The following KCNT1 variants were observed in gnomAD, a reference collection of about 807,000 sequenced individuals.
KCNT1 encodes potassium sodium-activated channel subfamily T member 1.
KCNT1 carries 78 observed loss-of-function variants against 147.8 expected under a neutral mutation model. The ratio of observed to expected loss-of-function variants is 0.53; its 90% CI spans 0.44 to 0.64. The LOEUF (loss-of-function observed/expected upper bound fraction) is 0.64. KCNT1 is among the 30% of genes least tolerant of loss of function. The pLI, the probability that KCNT1 is intolerant of heterozygous loss-of-function variation, is 0.00. For missense variants in KCNT1, 1,419 were observed against 1,750.3 expected, an observed-to-expected ratio of 0.81 and a Z score of 3.38; for synonymous variants, 867 against 748.8, an observed-to-expected ratio of 1.16 and a Z score of -2.58.
rs765432746 is a variant in KCNT1, at chr9:135,784,880, C to T, written c.3147C>T (p.Ser1049=). 3.1e-5 allele frequency: 50 copies of T among 1,612,354 alleles called. No homozygotes were observed. Among genetic ancestry groups the T allele is most frequent in the Admixed American group, 5.0e-5 (3 of 59,998 alleles). ...GIYRTESHVF[S]TSEPHDLRAQ... ...ACCGGACAGAGAGCCACGTCTTCTC[C>T]ACCTCGGAGGTTCTGGGGCAGCCTG... is the stretch of plus-strand genomic sequence containing the variant. The change falls in exon 27 of 31, where the codon TCC becomes TCT. Residue 1049 remains serine (S), a synonymous_variant. Coordinates refer to ENST00000371757, the MANE Select transcript of KCNT1 (RefSeq NM_020822.3).
intron 11 of KCNT1, among the ~76,000 whole-genome samples, chr9:135,761,148 G>A (rs560760085): frequency 1.3e-5 from 2 of 152,248 alleles, no homozygotes; most frequent in East Asian, 1.9e-4. Flanking sequence ...GATTACAGGC[G>A]GCTTGGCTTT....
Position 135,786,536 on chromosome 9 carries a change from C to T in KCNT1, c.3502+15C>T, listed in dbSNP as rs775671325. ...CACCGGCTACGGTAAGGGCACACGG[C>T]GCGGGTGGGGGCCGGACGGACGGAC... On this transcript the variant is annotated intron_variant, in intron 29 of 30. Transcript: ENST00000371757. 2.5e-6 allele frequency: 4 copies of T among 1,570,416 alleles called. No homozygotes were observed. Among genetic ancestry groups the T allele is most frequent in the Non-Finnish European group, 2.6e-6 (3 of 1,162,948 alleles).
intron 18 of KCNT1, 122 bp downstream of exon 18, chr9:135,771,217 T>C (rs1588363456): frequency 8.0e-6 from 7 of 877,996 alleles, no homozygotes; most frequent in Non-Finnish European, 1.2e-5. Flanking sequence ...GGTGACCAGG[T>C]GGGACAGGAG....
At position 135,780,671 on chromosome 9, in the gene KCNT1, C is replaced by T. The variant is rs140761316; in HGVS notation, c.2841+1201C>T. ...AGAGGGCTCTGTCTGCCCTGCCCGC[C>T]GCCCAAGCCCACCCTGGAGCCTGCC... On this transcript the variant is annotated intron_variant, in intron 24 of 30. Coordinates refer to ENST00000371757, the MANE Select transcript of KCNT1 (RefSeq NM_020822.3). Among the ~76,000 whole-genome samples the T allele has an allele frequency of 1.9e-4, 29 of 152,344 alleles. No homozygotes were observed. In the East Asian group the frequency reaches 1.9e-3, roughly 10 times the overall value.
rs1833842271 is a variant in KCNT1 at position 135,784,242 on chromosome 9, T to G, written c.2943+117T>G. ...AGGACTCCCTCTGAATGACCTTCCCTGGATTCCAAGGAGACCTCTGGGCCC... is the reference window on the plus strand; with the variant it reads ...AGGACTCCCTCTGAATGACCTTCCCGGGATTCCAAGGAGACCTCTGGGCCC... On this transcript the variant is annotated intron_variant, in intron 25 of 30. Coordinates refer to ENST00000371757, the MANE Select transcript of KCNT1 (RefSeq NM_020822.3). 3 of 854,272 alleles carry G rather than the reference T, an allele frequency of 3.5e-6. No individual in the cohort carries two copies. In the African/African-American group the frequency reaches 5.0e-5, roughly 14 times the overall value. 52.9% of individuals were successfully genotyped at this position (854,272 alleles called of 1,614,324 possible).
chr9:135,765,587 C>T, intron 12 of KCNT1, 37 bp from the exon 13 acceptor site: 2 of 1,586,372 alleles, frequency 1.3e-6, no homozygotes, highest in Non-Finnish European at 1.7e-6. Context: ...GGGGCAGGGG[C>T]TGGCTCAGAG....
intron 2 of KCNT1, among the ~76,000 whole-genome samples, chr9:135,717,445 G>A (rs980222640): frequency 2.0e-5 from 3 of 152,158 alleles, no homozygotes; most frequent in Non-Finnish European, 4.4e-5. Flanking sequence ...CTGGAAGGTG[G>A]GGGGCTGCTG....
At chr9:135,771,153 G>A in intron 18 of KCNT1, 58 bp downstream of exon 18, 1 of 1,481,154 alleles carries the variant, frequency 6.8e-7, no homozygotes. Flanking sequence ...GGGAGACCAG[G>A]CGGGACACCG....
chr9:135,758,651 C>A, intron 10 of KCNT1, 143 bp downstream of exon 10: 2 of 684,168 alleles, frequency 2.9e-6, no homozygotes, highest in Non-Finnish European at 2.5e-6. Context: ...GGGTGTCGGG[C>A]CACCAAGCTG....
chr9:135,753,334 G>A (rs144217930), intron 4 of KCNT1, among the ~76,000 whole-genome samples: 117 of 152,320 alleles, frequency 7.7e-4, no homozygotes, highest in African/African-American at 2.7e-3. Context: ...AGTGACCCTG[G>A]CATCGATGAT....
At chr9:135,770,176 G>A in intron 16 of KCNT1, 121 bp downstream of exon 16, 3 of 1,398,266 alleles carry the variant, frequency 2.1e-6, no homozygotes, top group Admixed American at 4.1e-5. Flanking sequence ...GCGGGCAAAA[G>A]TCCTGCATAG....
At chr9:135,757,404 G>T (rs778054385) in intron 9 of KCNT1, 23 bp downstream of exon 9, 1 of 1,599,418 alleles carries the variant, frequency 6.3e-7, no homozygotes, top group East Asian at 2.2e-5. Context: ...GGGGGGTGCA[G>T]CTGGGACTTG....
Position 135,759,794 on chromosome 9 carries a change from A to C in KCNT1, c.970A>C (p.Ile324Leu). ...GGGCTACGGTGACGTCACGCCCAAG[A>C]TCTGGCCATCGCAGCTGCTGGTGGT... ...TVGYGDVTPK[I>L]WPSQLLVVIM... is the part of the protein sequence containing the mutation. The change falls in exon 11 of 31, where the codon ATC (isoleucine) becomes CTC (leucine). Residue 324 changes from isoleucine to leucine, a missense_variant. Around this residue, in one of 5 missense-constraint regions of KCNT1, gnomAD observed 401 missense variants for 610.6 expected, o/e 0.66. Transcript: ENST00000371757. 1 of 1,613,464 alleles carries C rather than the reference A, an allele frequency of 6.2e-7. No individual in the cohort carries two copies. The highest frequency in any genetic ancestry group is 1.1e-5 in the South Asian group (1 of 91,066).
chr9:135,730,479 G>T lies in KCNT1; in HGVS notation c.254+15759G>T, dbSNP rs547353594. Among the ~76,000 whole-genome samples, 20 of 152,308 alleles carry T rather than the reference G, an allele frequency of 1.3e-4. No individual in the cohort carries two copies. The highest frequency in any genetic ancestry group is 4.8e-4 in the African/African-American group (20 of 41,578). ...GCCAAGATCATCACAGATTCCTAGGGGAGGGAGGCAGAGGTTCAGAGTCGC... is the reference window on the plus strand; with the variant it reads ...GCCAAGATCATCACAGATTCCTAGGTGAGGGAGGCAGAGGTTCAGAGTCGC... On this transcript the variant is annotated intron_variant, in intron 2 of 30. Coordinates refer to ENST00000371757, the MANE Select transcript of KCNT1 (RefSeq NM_020822.3). The surrounding 1 kb of genome is among the most constrained non-coding windows in gnomAD (Gnocchi z 4.7).
At position 135,752,175 on chromosome 9, in the gene KCNT1, G is replaced by C. The variant is rs1014679375; in HGVS notation, c.434+1134G>C. On this transcript the variant is annotated intron_variant, in intron 4 of 30. Coordinates refer to ENST00000371757, the MANE Select transcript of KCNT1 (RefSeq NM_020822.3). The surrounding 1 kb of genome is among the most constrained non-coding windows in gnomAD (Gnocchi z 5.1). ...CGGGGTGAACCCTGCCAGCATGCTG[G>C]TCCCCCCTCTGGCTGCGCAGAGCAG... 2.8e-6 allele frequency: 1 copy of C among 351,084 alleles called. No homozygotes were observed. The highest frequency in any genetic ancestry group is 5.6e-6 in the Non-Finnish European group (1 of 177,134). The allele number at this position is 351,084 out of a possible 1,614,324, so 21.7% of individuals were successfully genotyped here. A position where few individuals can be genotyped will look rare whatever the true frequency, so the allele number is the denominator to read the frequency against.
chr9:135,728,358 C>T (rs1040938187), intron 2 of KCNT1, among the ~76,000 whole-genome samples: 8 of 152,222 alleles, frequency 5.3e-5, no homozygotes, highest in African/African-American at 1.9e-4. Context: ...GGGAGAACAT[C>T]GGGGCAGATT....
rs572344555 is a variant in KCNT1, at chr9:135,719,385, G to T, written c.254+4665G>T. ...CAGACTCTGGTCTGTGGCAGTGGAG[G>T]TGCGGCTTCCATCCTGCCCTGCACT... On this transcript the variant is annotated intron_variant, in intron 2 of 30. Transcript: ENST00000371757. Among the ~76,000 whole-genome samples the T allele has an allele frequency of 2.6e-5, 4 of 152,330 alleles. No homozygotes were observed. The East Asian group carries it at 7.7e-4, about 29-fold the overall frequency.
intron 2 of KCNT1, among the ~76,000 whole-genome samples, chr9:135,724,063 TC>T (rs1836030948): frequency 6.6e-6 from 1 of 152,174 alleles, no homozygotes; most frequent in Admixed American, 6.5e-5. Flanking sequence ...ACTCCTGCTT[TC>T]CCCTCTGAAT....
chr9:135,765,270 C>T (rs1217068247), intron 12 of KCNT1, 75 bp downstream of exon 12: 3 of 1,402,942 alleles, frequency 2.1e-6, no homozygotes, highest in African/African-American at 2.8e-5. Flanking sequence ...CCCAGGACTG[C>T]TTGGCAAGTC....
Sources: allele counts gnomAD v4.1 joint callset (sites outside exome capture counted in the v4.1 genomes callset), GRCh38; gene constraint gnomAD v4.1.1; regional missense constraint gnomAD v4.1.1; non-coding constraint Gnocchi (gnomAD v3.1); transcripts MANE v1.5; gene names NCBI Gene and HGNC (gene_info 2026-07-23, HGNC 2026-07-21).